Variants in DAB1 observed in about 807,000 individuals in gnomAD.
The protein encoded by DAB1 is disabled homolog 1.
A neutral mutation model predicts 64.6 loss-of-function variants in DAB1; 15 were observed. That is an observed-to-expected ratio of 0.23 (90% CI 0.16 to 0.36). The LOEUF is 0.36. Among genes scored for constraint, DAB1 ranks in the 10% least tolerant of loss-of-function variants. DAB1 has a pLI of 1.00. For synonymous variants in DAB1, 235 were observed against 251.9 expected, an observed-to-expected ratio of 0.93 and a Z score of 0.64; for missense variants, 596 against 706.7, an observed-to-expected ratio of 0.84 and a Z score of 1.78.
intron 4 of DAB1, among the ~76,000 whole-genome samples, chr1:58,208,750 T>C (rs546005528): frequency 6.6e-6 from 1 of 152,312 alleles, no homozygotes; most frequent in East Asian, 1.9e-4. Flanking sequence ...GCTACAAACG[T>C]GCATGTGCAG....
intron 2 of DAB1, among the ~76,000 whole-genome samples, chr1:57,272,100 G>A (rs1280209393): frequency 6.6e-6 from 1 of 152,212 alleles, no homozygotes; most frequent in East Asian, 1.9e-4. Flanking sequence ...GGAGATGTTG[G>A]CGTTTGATTT....
At chr1:57,828,876 C>T (rs1019975415) in intron 1 of DAB1, among the ~76,000 whole-genome samples, 4 of 152,040 alleles carry the variant, frequency 2.6e-5, no homozygotes, top group African/African-American at 9.7e-5. Flanking sequence ...TAAATATCAC[C>T]TAAGAATACA....
chr1:58,408,532 G>A (rs992575367), intron 3 of DAB1, among the ~76,000 whole-genome samples: 2 of 152,212 alleles, frequency 1.3e-5, no homozygotes, highest in African/African-American at 2.4e-5. Context: ...GGCAGTGTCT[G>A]TCAAAATGTG....
At chr1:57,871,637 C>G (rs1274532117) in intron 1 of DAB1, among the ~76,000 whole-genome samples, 1 of 152,138 alleles carries the variant, frequency 6.6e-6, no homozygotes, top group Non-Finnish European at 1.5e-5. Flanking sequence ...TTATAAGCAT[C>G]TAAAAGACAG....
intron 1 of DAB1, among the ~76,000 whole-genome samples, chr1:57,318,522 T>C (rs1198617053): frequency 2.6e-5 from 4 of 152,102 alleles, no homozygotes; most frequent in Admixed American, 2.6e-4. Context: ...GATCAAAAGC[T>C]ACCTCCTCTG....
Position 58,283,635 on chromosome 1 carries a change from T to A in DAB1, n.309+59717A>T, listed in dbSNP as rs936671144. Among the ~76,000 whole-genome samples, 22 of 152,224 alleles carry A rather than the reference T, an allele frequency of 1.4e-4. No individual in the cohort carries two copies. The East Asian group carries it at 4.2e-3, about 29-fold the overall frequency. ...ACTTTGTCTCTGAGCATCAGTTTCC[T>A]CGGCTGTAAAACATGACTAATAACA... On this transcript the variant is annotated intron_variant and non_coding_transcript_variant, in intron 4 of 20. Transcript: ENST00000485760.
chr1:58,501,821 A>G (rs540842619), intron 3 of DAB1, among the ~76,000 whole-genome samples: 2 of 152,276 alleles, frequency 1.3e-5, no homozygotes, highest in South Asian at 4.1e-4. Context: ...AAGGCCTAAA[A>G]GGAGGTAACT....
At chr1:57,511,993 T>C (rs1318699540) in intron 7 of DAB1, among the ~76,000 whole-genome samples, 3 of 152,160 alleles carry the variant, frequency 2.0e-5, no homozygotes, top group African/African-American at 7.2e-5. Context: ...TGTCAAGTGT[T>C]TTAAAACTAT....
intron 5 of DAB1, among the ~76,000 whole-genome samples, chr1:57,916,838 G>T (rs1379322962): frequency 1.3e-5 from 2 of 152,054 alleles, no homozygotes; most frequent in Non-Finnish European, 2.9e-5. Flanking sequence ...AGCTACTCAG[G>T]AGACTGAGGT....
At chr1:58,011,708 G>A (rs923803779) in intron 5 of DAB1, among the ~76,000 whole-genome samples, 2 of 151,926 alleles carry the variant, frequency 1.3e-5, no homozygotes, top group African/African-American at 2.4e-5. Flanking sequence ...ATTTTTTGGA[G>A]ACGAAGTCTC....
chr1:58,086,024 C>T (rs967806584), intron 5 of DAB1, among the ~76,000 whole-genome samples: 1 of 132,068 alleles, frequency 7.6e-6, no homozygotes, highest in Non-Finnish European at 1.5e-5. Context: ...AGTGCAGTGG[C>T]GGGATCTCGG....
chr1:58,173,482 C>T (rs1450045675), intron 4 of DAB1, among the ~76,000 whole-genome samples: 1 of 152,138 alleles, frequency 6.6e-6, no homozygotes, highest in African/African-American at 2.4e-5. Flanking sequence ...AGCGACCCCA[C>T]CACTAGTGAA....
intron 4 of DAB1, among the ~76,000 whole-genome samples, chr1:58,318,364 G>C (rs764784912): frequency 2.0e-5 from 3 of 152,216 alleles, no homozygotes; most frequent in Non-Finnish European, 4.4e-5. Context: ...CAATGACTAT[G>C]ATGAAGCCCA....
intron 5 of DAB1, among the ~76,000 whole-genome samples, chr1:58,093,101 C>T (rs12074346): frequency 0.028 from 4,212 of 152,228 alleles, 175 homozygotes; most frequent in African/African-American, 0.096. Flanking sequence ...TTGCTGGGAG[C>T]GCCAGACTAC....
intron 3 of DAB1, among the ~76,000 whole-genome samples, chr1:58,479,645 T>A (rs1235409403): frequency 1.3e-5 from 2 of 152,208 alleles, no homozygotes; most frequent in African/African-American, 2.4e-5. Context: ...TTCATAATGA[T>A]GAGATTTTTA....
At chr1:57,975,593 T>C (rs1037153230) in intron 5 of DAB1, among the ~76,000 whole-genome samples, 7 of 152,294 alleles carry the variant, frequency 4.6e-5, no homozygotes, top group East Asian at 3.9e-4. Flanking sequence ...GATATGCAAA[T>C]TATTTAATTT....
At chr1:57,812,545 G>A (rs534907822) in intron 6 of DAB1, among the ~76,000 whole-genome samples, 32 of 152,216 alleles carry the variant, frequency 2.1e-4, no homozygotes, top group Admixed American at 1.6e-3. Context: ...AGACCCCAAG[G>A]AATTTGACAA....
rs560701324 is a variant in DAB1, at chr1:57,594,911, T to C, written n.625+54681A>G. On this transcript the variant is annotated intron_variant and non_coding_transcript_variant, in intron 7 of 20. Coordinates refer to the DAB1 transcript ENST00000485760. ...ATTTGTAGTAGAGACGGGGTTTCAC[T>C]GTATTAGCCAGGATGTTCTCGATCT... is the stretch of plus-strand genomic sequence containing the variant. Among the ~76,000 whole-genome samples, 8 of 152,012 alleles carry C rather than the reference T, an allele frequency of 5.3e-5. No homozygotes were observed. The South Asian group carries it at 1.2e-3, about 24-fold the overall frequency.
chr1:58,216,688 T>G (rs1018008095), intron 4 of DAB1, among the ~76,000 whole-genome samples: 1 of 152,192 alleles, frequency 6.6e-6, no homozygotes. Context: ...CTCTCCAGCA[T>G]CTGTTGTTTC....
Sources: gnomAD v4.1 joint callset for allele counts (sites outside exome capture counted in the v4.1 genomes callset) on GRCh38, gnomAD v4.1.1 for gene constraint, MANE v1.5 for transcripts, NCBI Gene and HGNC (gene_info 2026-07-23, HGNC 2026-07-21) for gene names.